Variants in ARL17B observed in about 807,000 individuals in gnomAD.
The protein encoded by ARL17B is ADP-ribosylation factor-like protein 17.
At chr17:46,274,985 C>T (rs1450457776) in exon 5 of ARL17B, 4 of 157,496 alleles carry the variant, frequency 2.5e-5, no homozygotes, top group Non-Finnish European at 5.5e-5. Flanking sequence ...CTCTGCCTCC[C>T]GGGTTCCAGC....
chr17:46,278,332 C>T (rs1487493918), intron 4 of ARL17B, among the ~76,000 whole-genome samples: 1 of 152,140 alleles, frequency 6.6e-6, no homozygotes, highest in Non-Finnish European at 1.5e-5. Flanking sequence ...GCTCACTTAA[C>T]CATTTTCCCA....
chr17:46,279,373 G>A (rs1329982591), intron 4 of ARL17B, among the ~76,000 whole-genome samples: 1 of 151,616 alleles, frequency 6.6e-6, no homozygotes, highest in Non-Finnish European at 1.5e-5. Context: ...TAATAGAGAC[G>A]AGGTTTTGCC....
intron 4 of ARL17B, among the ~76,000 whole-genome samples, chr17:46,286,519 G>T (rs2696501): frequency 0.13 from 19,836 of 151,830 alleles, 26 homozygotes; most frequent in Middle Eastern, 0.2. Flanking sequence ...AGTCAAGCTA[G>T]TTTAATCTCA....
At chr17:46,282,133 C>T (rs79523636) in intron 4 of ARL17B, among the ~76,000 whole-genome samples, 21,642 of 151,600 alleles carry the variant, frequency 0.14, 1,883 homozygotes, top group Non-Finnish European at 0.22. Context: ...GACGGAGTCT[C>T]GCTCTGTCTC....
intron 4 of ARL17B, among the ~76,000 whole-genome samples, chr17:46,287,176 T>G (rs2049943631): frequency 6.6e-6 from 1 of 152,224 alleles, no homozygotes; most frequent in East Asian, 1.9e-4. Flanking sequence ...TCACATGGGT[T>G]TCAACAAGTA....
intron 4 of ARL17B, among the ~76,000 whole-genome samples, chr17:46,287,110 C>T (rs1345559832): frequency 6.6e-6 from 1 of 152,224 alleles, no homozygotes; most frequent in Non-Finnish European, 1.5e-5. Flanking sequence ...TCCAACCATT[C>T]TACCCCTGGC....
chr17:46,321,320 CA>C (rs1251628590), intron 3 of ARL17B, among the ~76,000 whole-genome samples: 33 of 86,050 alleles, frequency 3.8e-4, no homozygotes, highest in African/African-American at 7.4e-4. Flanking sequence ...TGCACCACTG[CA>C]CTCCAGCCTG....
chr17:46,288,750 T>A (rs1162586227), intron 4 of ARL17B, among the ~76,000 whole-genome samples: 1 of 151,342 alleles, frequency 6.6e-6, no homozygotes, highest in Non-Finnish European at 1.5e-5. Flanking sequence ...GTCACCCAGG[T>A]TAGAGTGCAG....
intron 4 of ARL17B, among the ~76,000 whole-genome samples, chr17:46,286,653 G>GA (rs67255413): frequency 1.5e-4 from 22 of 149,702 alleles, no homozygotes; most frequent in East Asian, 1.2e-3. Flanking sequence ...GGGAAAAAGA[G>GA]AAAAAAAAAT....
chr17:46,291,985 A>AAACAAAAAAAC (rs1360524355), intron 4 of ARL17B, among the ~76,000 whole-genome samples: 1 of 76,590 alleles, frequency 1.3e-5, no homozygotes, highest in Non-Finnish European at 2.8e-5. Context: ...AAAAAAAAAA[A>AAACAAAAAAAC]AAGCCAATAA....
intron 4 of ARL17B, among the ~76,000 whole-genome samples, chr17:46,285,161 A>C (rs1336935436): frequency 6.6e-6 from 1 of 151,988 alleles, no homozygotes; most frequent in Non-Finnish European, 1.5e-5. Flanking sequence ...GAGCAACCAC[A>C]CTGGCCTTCT....
At chr17:46,287,292 A>G (rs1394840612) in intron 4 of ARL17B, among the ~76,000 whole-genome samples, 3 of 152,286 alleles carry the variant, frequency 2.0e-5, no homozygotes, top group Non-Finnish European at 4.4e-5. Context: ...GCAAAACTGT[A>G]ACAGGCACAA....
chr17:46,288,642 G>A (rs191475421), intron 4 of ARL17B, among the ~76,000 whole-genome samples: 331 of 151,634 alleles, frequency 2.2e-3, no homozygotes, highest in Middle Eastern at 6.9e-3. Flanking sequence ...CAGTGAGGAC[G>A]ACCAGAGGTC....
chr17:46,282,419 T>TG (rs1361083038), intron 4 of ARL17B, among the ~76,000 whole-genome samples: 1 of 149,508 alleles, frequency 6.7e-6, no homozygotes, highest in East Asian at 2.0e-4. Context: ...TTTTGTTTGT[T>TG]TTTTTTTTTT....
chr17:46,281,224 C>G (rs1238122014), intron 4 of ARL17B, among the ~76,000 whole-genome samples: 2 of 152,092 alleles, frequency 1.3e-5, no homozygotes, highest in African/African-American at 4.8e-5. Context: ...TGACCCCTTG[C>G]TCCCCCCACC....
intron 4 of ARL17B, among the ~76,000 whole-genome samples, chr17:46,286,832 CCTCACTG>C (rs1337224278): frequency 6.6e-6 from 1 of 152,236 alleles, no homozygotes; most frequent in Non-Finnish European, 1.5e-5. Flanking sequence ...CAGTACAATT[CCTCACTG>C]CTGCCCTCTT....
intron 3 of ARL17B, among the ~76,000 whole-genome samples, chr17:46,323,956 T>A (rs2051552823): frequency 9.8e-6 from 1 of 101,658 alleles, no homozygotes; most frequent in Non-Finnish European, 2.3e-5. Context: ...TATACAAACA[T>A]TATGTCATTT....
chr17:46,276,104 T>G (rs887394610), intron 4 of ARL17B, among the ~76,000 whole-genome samples: 13 of 152,368 alleles, frequency 8.5e-5, no homozygotes, highest in African/African-American at 3.1e-4. Context: ...TTGGCCAGGC[T>G]GGTCGCAAAC....
chr17:46,287,287 A>G (rs180786853), intron 4 of ARL17B, among the ~76,000 whole-genome samples: 7,603 of 132,260 alleles, frequency 0.057, no homozygotes, highest in Non-Finnish European at 0.093. Context: ...TGTGTGCAAA[A>G]CTGTAACAGG....
Sources: allele counts gnomAD v4.1 joint callset (sites outside exome capture counted in the v4.1 genomes callset), GRCh38; gene constraint gnomAD v4.1.1; transcripts MANE v1.5; gene names NCBI Gene and HGNC (gene_info 2026-07-23, HGNC 2026-07-21).